Variants in MFGE8 observed in about 807,000 individuals in gnomAD.
The protein encoded by MFGE8 is lactadherin.
Under a neutral mutation model 42.6 loss-of-function variants are expected in MFGE8, and 34 were observed. The ratio of observed to expected loss-of-function variants is 0.80; its 90% confidence interval spans 0.61 to 1.06. The LOEUF is 1.06. MFGE8 is among the 50% of genes least tolerant of loss of function. The pLI is 0.00. For synonymous variants in MFGE8, 230 were observed against 214.8 expected (o/e 1.07, Z -0.62); for missense variants, 510 against 516.9 (o/e 0.99, Z 0.13).
In MFGE8 at chr15:88,912,111, C is replaced by T. The variant is rs1322281291; in HGVS notation, c.73+1136G>A. The T allele has an allele frequency of 6.2e-6, 8 of 1,289,690 alleles. No individual in the cohort carries two copies. In the South Asian group the frequency reaches 8.6e-5, roughly 14 times the overall value. The allele number at this position is 1,289,690 out of a possible 1,614,324, so 79.9% of individuals were successfully genotyped here. A position where few individuals can be genotyped will look rare whatever the true frequency, so the allele number is the denominator to read the frequency against. ...AGGGAAAGGGAAAGGTGTACTCTAC[C>T]CAGCCACGTTACCTGTGTGTAAGAT... On this transcript the variant is annotated intron_variant, in intron 1 of 7. Coordinates refer to ENST00000268150, the MANE Select transcript of MFGE8 (RefSeq NM_005928.4).
intron 1 of MFGE8, chr15:88,912,509 C>A (rs956407161): frequency 1.4e-5 from 14 of 985,306 alleles, no homozygotes; most frequent in South Asian, 4.7e-5. Context: ...CCTCCCAGCG[C>A]TCCACGGTGA....
chr15:88,898,885 G>A lies in MFGE8; in HGVS notation c.*510C>T, dbSNP rs551986864. On this transcript the variant is annotated 3_prime_UTR_variant, in exon 8 of 8. Coordinates refer to ENST00000268150, the MANE Select transcript of MFGE8 (RefSeq NM_005928.4). ...GCAAGAGAGGCAACCAGGGAGACAA[G>A]GGGAAGTGTCTTGGGGACAGGGGGC... The A allele has an allele frequency of 1.9e-4, 37 of 192,590 alleles. 1 individual carries two copies. The South Asian group carries it at 3.8e-3, about 20-fold the overall frequency. The allele number at this position is 192,590 out of a possible 1,614,324, so 11.9% of individuals were successfully genotyped here.
chr15:88,912,726 C>A (rs1263884263), intron 1 of MFGE8: 1 of 985,374 alleles, frequency 1.0e-6, no homozygotes. Flanking sequence ...TTACGGCCTG[C>A]GTCCATTGCA....
chr15:88,910,868 AC>A (rs1329518722), intron 1 of MFGE8: 2 of 152,096 alleles, frequency 1.3e-5, no homozygotes, highest in Non-Finnish European at 2.9e-5. Flanking sequence ...ACCTTCCTTC[AC>A]CCTCCTCACC....
At position 88,898,861 on chromosome 15, in the gene MFGE8, C is replaced by T; in HGVS notation, c.*534G>A. The T allele has an allele frequency of 5.3e-6, 1 of 189,190 alleles. No homozygotes were observed. Among genetic ancestry groups the T allele is most frequent in the South Asian group, 1.1e-4 (1 of 8,768 alleles). The allele number at this position is 189,190 out of a possible 1,614,324, so 11.7% of individuals were successfully genotyped here. A position where few individuals can be genotyped will look rare whatever the true frequency, so the allele number is the denominator to read the frequency against. On this transcript the variant is annotated 3_prime_UTR_variant, in exon 8 of 8. Transcript: ENST00000268150. Reference sequence around the variant, plus strand: ...TGTCGCTGGGCTTCAGGACAAGGGGCAAGAGAGGCAACCAGGGAGACAAGG... The same window carrying T: ...TGTCGCTGGGCTTCAGGACAAGGGGTAAGAGAGGCAACCAGGGAGACAAGG...
chr15:88,901,070 C>T (rs1398705597), intron 6 of MFGE8, among the ~76,000 whole-genome samples: 1 of 124,712 alleles, frequency 8.0e-6, no homozygotes, highest in African/African-American at 2.7e-5. Flanking sequence ...TTCACATACA[C>T]ATTCACATAC....
intron 1 of MFGE8, chr15:88,910,480 C>G: frequency 5.2e-6 from 1 of 193,860 alleles, no homozygotes; most frequent in Non-Finnish European, 1.1e-5. Flanking sequence ...AATGACCATG[C>G]TAGGCCCCCG....
intron 1 of MFGE8, chr15:88,911,023 G>A (rs1898932117): frequency 6.6e-6 from 1 of 152,258 alleles, no homozygotes; most frequent in Admixed American, 6.5e-5. Context: ...GTGCAGACAT[G>A]CCGCTGAGCT....
At position 88,899,485 on chromosome 15, in the gene MFGE8, A is replaced by G. The variant is rs763479715; in HGVS notation, c.1074T>C (p.Phe358=). The change falls in exon 8 of 8, where the codon TTT becomes TTC. Residue 358 remains phenylalanine (F), a synonymous_variant. Transcript: ENST00000268150. This position sits in a 1 kb window ranked among gnomAD's most constrained non-coding sequence, Gnocchi z 6.8. ...WDNHSHKKNL[F]ETPILARYVR... is the part of the protein sequence containing the mutation. ...CATAGCGAGCCAGGATGGGCGTCTC[A>G]AACAAGTTCTTCTTGTGGGAGTGGT... 5.6e-6 allele frequency: 9 copies of G among 1,614,210 alleles called. No individual in the cohort carries two copies. In the South Asian group the frequency reaches 8.8e-5, roughly 16 times the overall value.
intron 1 of MFGE8, chr15:88,912,014 T>G: frequency 1.2e-6 from 1 of 822,194 alleles, no homozygotes. Flanking sequence ...GGGTTGGGAA[T>G]GGACTCTTCC....
rs1898238675 is a variant in MFGE8 at position 88,899,086 on chromosome 15, A to G, written c.*309T>C. 1 of 463,476 alleles carries G rather than the reference A, an allele frequency of 2.2e-6. No homozygotes were observed. The allele number at this position is 463,476 out of a possible 1,614,324, so 28.7% of individuals were successfully genotyped here. On this transcript the variant is annotated 3_prime_UTR_variant, in exon 8 of 8. Transcript: ENST00000268150. The surrounding 1 kb of genome is among the most constrained non-coding windows in gnomAD (Gnocchi z 6.8). ...CGCACCTGGGATCGGCGGTCCGGAC[A>G]GGGGCAGGGAAACCACACGCCCTAC...
In MFGE8 at chr15:88,899,259, T is replaced by C; in HGVS notation, c.*136A>G. The C allele has an allele frequency of 4.3e-6, 5 of 1,176,194 alleles. No individual in the cohort carries two copies. The highest frequency in any genetic ancestry group is 6.0e-6 in the Non-Finnish European group (5 of 828,048). The allele number at this position is 1,176,194 out of a possible 1,614,324, so 72.9% of individuals were successfully genotyped here. ...AGGGTGGGAAAGAGGGAGGGAGGGG[T>C]GACTGTGTGGTGGTGCTGCCTCTGA... On this transcript the variant is annotated 3_prime_UTR_variant, in exon 8 of 8. Transcript: ENST00000268150. The surrounding 1 kb of genome is among the most constrained non-coding windows in gnomAD (Gnocchi z 6.8).
chr15:88,899,529 A>C lies in MFGE8; in HGVS notation c.1030T>G (p.Phe344Val). The change falls in exon 8 of 8, where the codon TTC (phenylalanine) becomes GTC (valine). Residue 344 changes from phenylalanine (F) to valine (V), a missense_variant. Coordinates refer to ENST00000268150, the MANE Select transcript of MFGE8 (RefSeq NM_005928.4). The surrounding 1 kb of genome is among the most constrained non-coding windows in gnomAD (Gnocchi z 6.8). ...GAGTGGTTGTCCCAGTTGCCAGGGA[A>C]GATCTAGAGGCAGAGCGGGTGTCAG... is the stretch of plus-strand genomic sequence containing the variant. The part of the protein sequence containing the change: ...QDPRTGSSKI[F>V]PGNWDNHSHK... The C allele has an allele frequency of 1.2e-6, 2 of 1,614,166 alleles. No individual in the cohort carries two copies. The highest frequency in any genetic ancestry group is 1.7e-6 in the Non-Finnish European group (2 of 1,180,010).
chr15:88,907,253 C>T lies in MFGE8; in HGVS notation c.329G>A (p.Arg110His), dbSNP rs140046500. 3.6e-5 allele frequency: 58 copies of T among 1,614,130 alleles called. No homozygotes were observed. Among genetic ancestry groups the T allele is most frequent in the Middle Eastern group, 3.3e-4 (2 of 6,062 alleles). ...HWVPELARLNRAGMVNAWTPS... is the reference protein window; with the variant it reads ...HWVPELARLNHAGMVNAWTPS... ...TGTCCAGGCATTGACCATGCCTGCG[C>T]GGTTCAGGCGGGCCAGCTCCGGGAC... is the stretch of plus-strand genomic sequence containing the variant. Residue 110 changes from arginine to histidine, a missense_variant, in exon 3 of 8, where the codon CGC (arginine) becomes CAC (histidine). Coordinates refer to ENST00000268150, the MANE Select transcript of MFGE8 (RefSeq NM_005928.4).
Position 88,899,427 on chromosome 15 carries a change from T to G in MFGE8, c.1132A>C (p.Ile378Leu), listed in dbSNP as rs767326127. ...RILPVAWHNRIALRLELLGC is the reference protein window; with the variant it reads ...RILPVAWHNRLALRLELLGC ...CCCAGCAGCTCCAGGCGCAGGGCGA[T>G]GCGGTTGTGCCAGGCTACAGGCAGG... The change falls in exon 8 of 8, where the codon ATC becomes CTC. Residue 378 changes from isoleucine (I) to leucine (L), a missense_variant. By Grantham distance (5) the Ile-to-Leu change is conservative. Transcript: ENST00000268150. This position sits in a 1 kb window ranked among gnomAD's most constrained non-coding sequence, Gnocchi z 6.8. The G allele has an allele frequency of 3.1e-6, 5 of 1,614,210 alleles. No homozygotes were observed. The highest frequency in any genetic ancestry group is 1.7e-5 in the Admixed American group (1 of 60,030).
rs1898464100 is a variant in MFGE8, at chr15:88,902,136, C to T, written c.686-401G>A. 3.9e-6 allele frequency: 1 copy of T among 259,442 alleles called. No homozygotes were observed. Among genetic ancestry groups the T allele is most frequent in the Non-Finnish European group, 7.7e-6 (1 of 130,278 alleles). 16.1% of individuals were successfully genotyped at this position (259,442 alleles called of 1,614,324 possible). A position where few individuals can be genotyped will look rare whatever the true frequency, so the allele number is the denominator to read the frequency against. ...CTCTTCTGGACTCACAGCACTGCCC[C>T]CATCGCCTCGGCCTCCCATCCGTCC... is the stretch of plus-strand genomic sequence containing the variant. On this transcript the variant is annotated intron_variant, in intron 5 of 7. Coordinates refer to ENST00000268150, the MANE Select transcript of MFGE8 (RefSeq NM_005928.4). This position sits in a 1 kb window ranked among gnomAD's most constrained non-coding sequence, Gnocchi z 4.3.
At chr15:88,907,427 C>T in intron 2 of MFGE8, 51 bp from the exon 3 acceptor site, 1 of 1,547,338 alleles carries the variant, frequency 6.5e-7, no homozygotes, top group Non-Finnish European at 8.9e-7. Flanking sequence ...GGTTCCCGGG[C>T]CCAGCTGGGA....
At chr15:88,900,519 C>G (rs916768391) in intron 6 of MFGE8, among the ~76,000 whole-genome samples, 2 of 152,202 alleles carry the variant, frequency 1.3e-5, no homozygotes, top group Admixed American at 1.3e-4. Flanking sequence ...GGCAGCTCCT[C>G]AGGGAACCCA....
In MFGE8 at chr15:88,913,125, G is replaced by C. The variant is rs3743387; in HGVS notation, c.73+122C>G. 0.32 allele frequency: 439,373 copies of C among 1,363,524 alleles called. 72,419 individuals carry two copies. The highest frequency in any genetic ancestry group is 0.36 in the South Asian group (20,053 of 56,190). 84.5% of individuals were successfully genotyped at this position (1,363,524 alleles called of 1,614,324 possible). ...GCGGAAGAAGCCGCCCCTCTGCCCA[G>C]CCCGGTCCCCGGGGCTTTGTCTAAG... On this transcript the variant is annotated intron_variant, in intron 1 of 7. Transcript: ENST00000268150.
Sources: allele counts gnomAD v4.1 joint callset (sites outside exome capture counted in the v4.1 genomes callset), GRCh38; gene constraint gnomAD v4.1.1; non-coding constraint Gnocchi (gnomAD v3.1); transcripts MANE v1.5; gene names NCBI Gene and HGNC (gene_info 2026-07-23, HGNC 2026-07-21).